Variants in TNNI3K observed in about 807,000 individuals in gnomAD.
The protein encoded by TNNI3K is serine/threonine-protein kinase TNNI3K.
TNNI3K carries 140 observed loss-of-function variants against 114.5 expected under a neutral mutation model. The observed-to-expected ratio is 1.22, with a 90% CI of 1.07 to 1.41. The LOEUF is 1.41. Ranked by LOEUF, TNNI3K falls within the 40% of genes most tolerant of loss-of-function variation. The pLI is 0.00. For missense variants in TNNI3K, 1,125 were observed against 1,007.6 expected (o/e 1.12, Z -1.58); for synonymous variants, 347 against 347.5 (o/e 1.00, Z 0.02).
At chr1:74,474,598 T>C (rs1668099715) in intron 21 of TNNI3K, among the ~76,000 whole-genome samples, 1 of 152,152 alleles carries the variant, frequency 6.6e-6, no homozygotes, top group African/African-American at 2.4e-5. Flanking sequence ...ACAGAGCAGC[T>C]GTCAACATTT....
At chr1:74,483,842 A>G (rs1668619267) in intron 21 of TNNI3K, among the ~76,000 whole-genome samples, 2 of 152,270 alleles carry the variant, frequency 1.3e-5, no homozygotes, top group South Asian at 4.1e-4. Flanking sequence ...TCAGACACTG[A>G]GTCTTACATG....
chr1:74,494,029 A>C (rs1422810433), intron 23 of TNNI3K, among the ~76,000 whole-genome samples: 1 of 152,180 alleles, frequency 6.6e-6, no homozygotes, highest in Non-Finnish European at 1.5e-5. Flanking sequence ...TGGGGAGCAA[A>C]GAAGGCAGTC....
At chr1:74,396,614 A>G (rs1298139127) in intron 17 of TNNI3K, among the ~76,000 whole-genome samples, 1 of 152,182 alleles carries the variant, frequency 6.6e-6, no homozygotes, top group Non-Finnish European at 1.5e-5. Context: ...CGCCCGGGCA[A>G]GGAGTCCTGC....
At chr1:74,524,121 A>G (rs1053056810) in intron 23 of TNNI3K, among the ~76,000 whole-genome samples, 3 of 152,276 alleles carry the variant, frequency 2.0e-5, no homozygotes, top group Non-Finnish European at 4.4e-5. Context: ...ACAGTCCAGT[A>G]GTATTTGTGG....
At chr1:74,260,736 T>A (rs1410338019) in intron 4 of TNNI3K, among the ~76,000 whole-genome samples, 1 of 152,118 alleles carries the variant, frequency 6.6e-6, no homozygotes, top group African/African-American at 2.4e-5. Flanking sequence ...ATTATTACAT[T>A]CTAAAGAGAT....
At chr1:74,242,567 A>G (rs1170693203) in intron 2 of TNNI3K, among the ~76,000 whole-genome samples, 1 of 152,192 alleles carries the variant, frequency 6.6e-6, no homozygotes, top group Non-Finnish European at 1.5e-5. Context: ...ACTAAGTAGG[A>G]TATTGAAGGG....
intron 5 of TNNI3K, among the ~76,000 whole-genome samples, chr1:74,300,727 A>G (rs1465594439): frequency 6.6e-6 from 1 of 152,216 alleles, no homozygotes; most frequent in Non-Finnish European, 1.5e-5. Flanking sequence ...ACCAGTTATG[A>G]GGCAGTACAC....
At chr1:74,414,620 G>A (rs1398084751) in intron 17 of TNNI3K, among the ~76,000 whole-genome samples, 8 of 152,150 alleles carry the variant, frequency 5.3e-5, no homozygotes, top group Admixed American at 5.2e-4. Context: ...TGGTACAAAG[G>A]ATCTACGTTG....
At chr1:74,328,607 ACT>A (rs926592806) in intron 5 of TNNI3K, among the ~76,000 whole-genome samples, 7 of 152,124 alleles carry the variant, frequency 4.6e-5, no homozygotes, top group Admixed American at 6.6e-5. Context: ...TTCAAAAATG[ACT>A]CTGTATGGTT....
chr1:74,505,485 A>G (rs1354111595), intron 23 of TNNI3K, among the ~76,000 whole-genome samples: 1 of 152,204 alleles, frequency 6.6e-6, no homozygotes, highest in East Asian at 1.9e-4. Context: ...AATGATTTCT[A>G]AATAGATTTC....
intron 20 of TNNI3K, among the ~76,000 whole-genome samples, chr1:74,463,099 T>C (rs911132691): frequency 6.6e-6 from 1 of 152,210 alleles, no homozygotes; most frequent in East Asian, 1.9e-4. Flanking sequence ...TTATACAGTC[T>C]TGTTTAATCT....
At chr1:74,489,802 C>T (rs1207219358) in intron 22 of TNNI3K, among the ~76,000 whole-genome samples, 1 of 152,074 alleles carries the variant, frequency 6.6e-6, no homozygotes, top group African/African-American at 2.4e-5. Flanking sequence ...ATTTTCTACA[C>T]ACCTGGTCAA....
intron 16 of TNNI3K, 69 bp from the exon 17 acceptor site, chr1:74,370,219 C>T (rs1570534881): frequency 4.4e-6 from 6 of 1,350,010 alleles, no homozygotes; most frequent in Non-Finnish European, 6.0e-6. Context: ...ACAACTCTTA[C>T]ACATCATTTG....
At chr1:74,317,226 G>A (rs1659364310) in intron 5 of TNNI3K, among the ~76,000 whole-genome samples, 1 of 152,194 alleles carries the variant, frequency 6.6e-6, no homozygotes, top group African/African-American at 2.4e-5. Flanking sequence ...GAGGTTGGAA[G>A]AGAATCACTG....
chr1:74,457,367 T>C (rs12085847), intron 20 of TNNI3K, among the ~76,000 whole-genome samples: 1,709 of 152,310 alleles, frequency 0.011, 30 homozygotes, highest in East Asian at 0.056. Flanking sequence ...GAATGGGATG[T>C]GGTTTAAAAA....
intron 4 of TNNI3K, among the ~76,000 whole-genome samples, chr1:74,270,768 A>T (rs900077990): frequency 6.6e-6 from 1 of 151,820 alleles, no homozygotes; most frequent in Non-Finnish European, 1.5e-5. Flanking sequence ...GTTGTGGTTT[A>T]AATTCCTACT....
chr1:74,474,538 A>G (rs964914994), intron 21 of TNNI3K, among the ~76,000 whole-genome samples: 2 of 152,194 alleles, frequency 1.3e-5, no homozygotes, highest in African/African-American at 2.4e-5. Context: ...ACTCTTAGAG[A>G]AAGCTCTGCT....
At chr1:74,527,851 A>G (rs1339375470) in intron 23 of TNNI3K, among the ~76,000 whole-genome samples, 1 of 152,222 alleles carries the variant, frequency 6.6e-6, no homozygotes, top group Non-Finnish European at 1.5e-5. Context: ...GCAGAATGTC[A>G]GAGTCCAAGT....
At chr1:74,437,048 C>T (rs906940739) in intron 19 of TNNI3K, among the ~76,000 whole-genome samples, 2 of 152,062 alleles carry the variant, frequency 1.3e-5, no homozygotes, top group African/African-American at 4.8e-5. Context: ...CTCTCCTTCA[C>T]TCTCCCCAAT....
Sources: allele counts gnomAD v4.1 joint callset (sites outside exome capture counted in the v4.1 genomes callset), GRCh38; gene constraint gnomAD v4.1.1; transcripts MANE v1.5; gene names NCBI Gene and HGNC (gene_info 2026-07-23, HGNC 2026-07-21).